PDE3B: variants seen among roughly 807,000 people sequenced by gnomAD.
PDE3B encodes phosphodiesterase 3B, also known as cGMP-inhibited 3',5'-cyclic phosphodiesterase 3B.
In PDE3B, 66 loss-of-function variants were observed where a neutral mutation model predicts 116.8. The ratio of observed to expected loss-of-function variants is 0.56; its 90% CI spans 0.46 to 0.69. The LOEUF (loss-of-function observed/expected upper bound fraction) is 0.69. PDE3B is among the 30% of genes least tolerant of loss of function. The pLI is 0.00. For synonymous variants in PDE3B, 595 were observed against 533.6 expected (o/e 1.12, Z -1.59); for missense variants, 1,384 against 1,368.1 (o/e 1.01, Z -0.18).
intron 1 of PDE3B, among the ~76,000 whole-genome samples, chr11:14,727,595 T>C (rs1856346024): frequency 6.6e-6 from 1 of 152,170 alleles, no homozygotes; most frequent in South Asian, 2.1e-4. Flanking sequence ...CACTTTTATA[T>C]CTGTTATGTG....
chr11:14,814,891 A>T (rs1292475956), intron 5 of PDE3B, among the ~76,000 whole-genome samples: 1 of 151,754 alleles, frequency 6.6e-6, no homozygotes, highest in Non-Finnish European at 1.5e-5. Context: ...TGAACCCGGG[A>T]GGTGGAGCTT....
At chr11:14,710,246 A>G (rs1420255007) in intron 1 of PDE3B, among the ~76,000 whole-genome samples, 1 of 152,184 alleles carries the variant, frequency 6.6e-6, no homozygotes, top group Non-Finnish European at 1.5e-5. Flanking sequence ...AGTGTATATA[A>G]AGGTCTAGTG....
intron 1 of PDE3B, among the ~76,000 whole-genome samples, chr11:14,703,310 A>G (rs1211863722): frequency 1.3e-5 from 2 of 151,826 alleles, no homozygotes; most frequent in South Asian, 4.1e-4. Context: ...TAGCTTAAGA[A>G]AAATTATGAT....
chr11:14,826,770 A>T (rs1859706629), intron 7 of PDE3B, among the ~76,000 whole-genome samples: 1 of 139,282 alleles, frequency 7.2e-6, no homozygotes, highest in Non-Finnish European at 1.5e-5. Flanking sequence ...AAGGACTGAA[A>T]GTATTACAAA....
intron 1 of PDE3B, among the ~76,000 whole-genome samples, chr11:14,661,249 G>A (rs1317028701): frequency 6.6e-6 from 1 of 152,254 alleles, no homozygotes; most frequent in African/African-American, 2.4e-5. Flanking sequence ...ATTCACAATA[G>A]CAAAGACTTG....
At chr11:14,856,587 G>T (rs547545126) in intron 12 of PDE3B, among the ~76,000 whole-genome samples, 1 of 152,120 alleles carries the variant, frequency 6.6e-6, no homozygotes, top group East Asian at 1.9e-4. Context: ...AGGTGTGGTG[G>T]CTCACGCCTG....
the PDE3B span, among the ~76,000 whole-genome samples, chr11:14,890,231 G>A: frequency 6.6e-6 from 1 of 150,760 alleles, no homozygotes; most frequent in Non-Finnish European, 1.5e-5. Flanking sequence ...AAAAAAAAAA[G>A]ACTCAGAATA....
chr11:14,698,928 C>T (rs975054000), intron 1 of PDE3B: 3 of 151,888 alleles, frequency 2.0e-5, no homozygotes, highest in Non-Finnish European at 4.4e-5. Flanking sequence ...ACCAGGTGAT[C>T]ATATGGGGAT....
chr11:14,735,717 G>A (rs892876805), intron 1 of PDE3B, among the ~76,000 whole-genome samples: 3 of 152,128 alleles, frequency 2.0e-5, no homozygotes, highest in Non-Finnish European at 1.5e-5. Context: ...CTCCATATTA[G>A]AGTGTTTTCA....
At chr11:14,688,515 A>G (rs1027668094) in intron 1 of PDE3B, among the ~76,000 whole-genome samples, 1 of 151,946 alleles carries the variant, frequency 6.6e-6, no homozygotes, top group African/African-American at 2.4e-5. Flanking sequence ...ATGTGTGTGT[A>G]CTCTGTATTG....
chr11:14,847,757 C>T lies in PDE3B; in HGVS notation c.2520+3731C>T, dbSNP rs897513895. ...ATCTAGAAGAAATGGATACATTCCT[C>T]GACACATACACCCTCCCAAGACTAA... On this transcript the variant is annotated intron_variant, in intron 12 of 15. Transcript: ENST00000282096. Among the ~76,000 whole-genome samples, 183 of 152,218 alleles carry T rather than the reference C, an allele frequency of 1.2e-3. 1 individual carries two copies. The highest frequency in any genetic ancestry group is 2.4e-4 in the Non-Finnish European group (16 of 68,016).
chr11:14,885,443 A>T, the PDE3B span, among the ~76,000 whole-genome samples: 1 of 152,174 alleles, frequency 6.6e-6, no homozygotes, highest in Non-Finnish European at 1.5e-5. Context: ...CAAGTACTCA[A>T]GACTAGGTTC....
chr11:14,683,745 T>C (rs1283521947), intron 1 of PDE3B, among the ~76,000 whole-genome samples: 1 of 152,126 alleles, frequency 6.6e-6, no homozygotes, highest in Non-Finnish European at 1.5e-5. Context: ...CCTAATTTGT[T>C]AAGATAAAAG....
intron 1 of PDE3B, among the ~76,000 whole-genome samples, chr11:14,709,006 A>G (rs1208589569): frequency 6.6e-6 from 1 of 152,196 alleles, no homozygotes; most frequent in Non-Finnish European, 1.5e-5. Context: ...TCTCATTGTC[A>G]GAAATACTAT....
At chr11:14,820,817 G>T (rs933363548) in intron 7 of PDE3B, among the ~76,000 whole-genome samples, 1 of 152,138 alleles carries the variant, frequency 6.6e-6, no homozygotes, top group Non-Finnish European at 1.5e-5. Context: ...TGGCCAGGCT[G>T]GCACCCTGAT....
chr11:14,778,778 C>G (rs1857873806), intron 2 of PDE3B, among the ~76,000 whole-genome samples: 1 of 152,216 alleles, frequency 6.6e-6, no homozygotes, highest in Non-Finnish European at 1.5e-5. Context: ...CAAAGGAACG[C>G]AGCTCCTCGC....
chr11:14,865,948 ATACT>A (rs1848035848), intron 14 of PDE3B, among the ~76,000 whole-genome samples: 1 of 152,168 alleles, frequency 6.6e-6, no homozygotes, highest in Admixed American at 6.6e-5. Context: ...TATAGAATTA[ATACT>A]TATTAAGCAA....
In PDE3B at chr11:14,819,121, A is replaced by AT; in HGVS notation, c.1734-11dup. On this transcript the variant is annotated splice_polypyrimidine_tract_variant and intron_variant, in intron 6 of 15. Coordinates refer to ENST00000282096, the MANE Select transcript of PDE3B (RefSeq NM_000922.4). Reference sequence around the variant, plus strand: ...CCTCATTTACCGTATATATTTATCTATTTTATTCTATAAGCTGTGGACATC... The same window carrying AT: ...CCTCATTTACCGTATATATTTATCTATTTTTATTCTATAAGCTGTGGACATC... 6.7e-7 allele frequency: 1 copy of AT among 1,493,666 alleles called. No homozygotes were observed. Among genetic ancestry groups the AT allele is most frequent in the Non-Finnish European group, 9.3e-7 (1 of 1,076,634 alleles). 92.5% of individuals were successfully genotyped at this position (1,493,666 alleles called of 1,614,324 possible).
At chr11:14,817,303 G>A (rs912703607) in intron 5 of PDE3B, among the ~76,000 whole-genome samples, 2 of 151,894 alleles carry the variant, frequency 1.3e-5, no homozygotes, top group African/African-American at 2.4e-5. Context: ...GGGGGACGGG[G>A]GATGGATAGC....
Sources: gnomAD v4.1 joint callset for allele counts (sites outside exome capture counted in the v4.1 genomes callset) on GRCh38, gnomAD v4.1.1 for gene constraint, MANE v1.5 for transcripts, NCBI Gene and HGNC (gene_info 2026-07-23, HGNC 2026-07-21) for gene names.